The following FMN1 variants were observed in gnomAD, a reference collection of about 807,000 sequenced individuals.
FMN1 encodes formin 1.
Under a neutral mutation model 132.4 loss-of-function variants are expected in FMN1, and 110 were observed. The observed-to-expected ratio is 0.83, with a 90% CI of 0.71 to 0.97. The LOEUF (loss-of-function observed/expected upper bound fraction) is 0.97. FMN1 is among the 50% of genes least tolerant of loss of function. The pLI is 0.00. For missense variants in FMN1, 1,792 were observed against 1,705.3 expected (o/e 1.05, Z -0.90); for synonymous variants, 722 against 651.7 (o/e 1.11, Z -1.64).
chr15:32,900,581 T>C (rs886596034), intron 13 of FMN1, among the ~76,000 whole-genome samples: 1 of 152,220 alleles, frequency 6.6e-6, no homozygotes, highest in Non-Finnish European at 1.5e-5. Flanking sequence ...AGAAGAAGTA[T>C]GTTCTTCTTT....
chr15:33,168,707 A>C lies in FMN1; in HGVS notation c.-132+11491T>G, dbSNP rs576004218. On this transcript the variant is annotated intron_variant, in intron 3 of 20. Transcript: ENST00000616417. ...ATTAGGAGGTTGGCTGTGGCTGTGG[A>C]CAGTTGGTATCTGCTCAAGCATTTA... is the stretch of plus-strand genomic sequence containing the variant. Among the ~76,000 whole-genome samples, 3 of 152,378 alleles carry C rather than the reference A, an allele frequency of 2.0e-5. No homozygotes were observed. The South Asian group carries it at 6.2e-4, about 32-fold the overall frequency.
At chr15:32,821,653 T>C (rs1040878039) in intron 17 of FMN1, among the ~76,000 whole-genome samples, 20 of 152,006 alleles carry the variant, frequency 1.3e-4, no homozygotes, top group African/African-American at 4.6e-4. Flanking sequence ...GGTTTCACCA[T>C]CTTGGCCAGG....
At position 32,913,498 on chromosome 15, in the gene FMN1, T is replaced by C. The variant is rs1490286577; in HGVS notation, c.3227-2963A>G. 2.0e-5 allele frequency among the ~76,000 whole-genome samples: 3 copies of C among 152,120 alleles called. No homozygotes were observed. In the East Asian group the frequency reaches 5.8e-4, roughly 29 times the overall value. On this transcript the variant is annotated intron_variant, in intron 10 of 20. Transcript: ENST00000616417. Reference sequence around the variant, plus strand: ...CTCCTACCATGTTCTCCATGCACCATGGGTTCCAGTCACCCTGTGTCCTTC... The same window carrying C: ...CTCCTACCATGTTCTCCATGCACCACGGGTTCCAGTCACCCTGTGTCCTTC...
intron 6 of FMN1, chr15:33,012,754 G>C: frequency 1.4e-6 from 1 of 729,518 alleles, no homozygotes; most frequent in Non-Finnish European, 2.5e-6. Flanking sequence ...TGGTGGGAAC[G>C]ACATCTTTGG....
At chr15:33,140,291 T>C (rs1439828564) in intron 4 of FMN1, among the ~76,000 whole-genome samples, 1 of 151,578 alleles carries the variant, frequency 6.6e-6, no homozygotes, top group Non-Finnish European at 1.5e-5. Flanking sequence ...CATTCAACCA[T>C]ATGCTGCACT....
intron 6 of FMN1, among the ~76,000 whole-genome samples, chr15:33,037,033 T>C (rs2036223260): frequency 6.6e-6 from 1 of 152,278 alleles, no homozygotes; most frequent in Admixed American, 6.5e-5. Flanking sequence ...TTTTTTCCTA[T>C]ACACCTTTAT....
intron 7 of FMN1, among the ~76,000 whole-genome samples, chr15:32,989,032 T>TA (rs2033265985): frequency 6.6e-6 from 1 of 152,196 alleles, no homozygotes; most frequent in Non-Finnish European, 1.5e-5. Context: ...AAATATCTTT[T>TA]AAAAAACCTT....
chr15:32,878,884 G>A (rs1215298400), intron 16 of FMN1, among the ~76,000 whole-genome samples: 1 of 152,040 alleles, frequency 6.6e-6, no homozygotes, highest in Non-Finnish European at 1.5e-5. Context: ...TAAAATAGAG[G>A]GTAGAAATAG....
chr15:32,857,084 C>G lies in FMN1; in HGVS notation c.3859G>C (p.Val1287Leu), dbSNP rs2059150308. 1 of 1,612,836 alleles carries G rather than the reference C, an allele frequency of 6.2e-7. No homozygotes were observed. Among genetic ancestry groups the G allele is most frequent in the Admixed American group, 1.7e-5 (1 of 60,012 alleles). The stretch of plus-strand genomic sequence containing the variant: ...TACTCCTTTGGGGACTCCTTGCACA[C>G]CACCACCATCTGTTTCTCACTTGCT... ...LEASEKQMVVVCKESPKEYLQ... is the reference protein window; with the variant it reads ...LEASEKQMVVLCKESPKEYLQ... Residue 1287 changes from valine (V) to leucine (L), a missense_variant, in exon 17 of 21, where the codon GTG becomes CTG. Coordinates refer to ENST00000616417, the MANE Select transcript of FMN1 (RefSeq NM_001277313.2).
chr15:32,929,901 T>C (rs1027425542), intron 9 of FMN1, among the ~76,000 whole-genome samples: 2 of 152,062 alleles, frequency 1.3e-5, no homozygotes, highest in African/African-American at 4.8e-5. Flanking sequence ...GGGAATATCT[T>C]TTCAATACAG....
chr15:32,785,186 G>GTATATA (rs2056819313), intron 19 of FMN1, among the ~76,000 whole-genome samples: 2 of 31,842 alleles, frequency 6.3e-5, no homozygotes, highest in African/African-American at 2.3e-4. Context: ...GTGTGTGTGT[G>GTATATA]TGTGTGTGTG....
intron 10 of FMN1, among the ~76,000 whole-genome samples, chr15:32,915,016 T>C (rs896601742): frequency 1.3e-5 from 2 of 152,074 alleles, no homozygotes; most frequent in African/African-American, 4.8e-5. Context: ...AAAAATAAAA[T>C]CTAAAAAGTA....
At chr15:32,919,761 G>A (rs565142063) in intron 10 of FMN1, among the ~76,000 whole-genome samples, 5 of 152,278 alleles carry the variant, frequency 3.3e-5, no homozygotes, top group African/African-American at 1.2e-4. Flanking sequence ...GAAAGTCCTA[G>A]ATAAGTTATG....
intron 9 of FMN1, among the ~76,000 whole-genome samples, chr15:32,959,324 A>G (rs1035371680): frequency 6.6e-6 from 1 of 152,162 alleles, no homozygotes; most frequent in African/African-American, 2.4e-5. Flanking sequence ...AAGAAAACAA[A>G]CATCTGACTC....
chr15:32,893,025 A>G (rs2060069300), intron 15 of FMN1, among the ~76,000 whole-genome samples: 1 of 152,310 alleles, frequency 6.6e-6, no homozygotes, highest in Non-Finnish European at 1.5e-5. Context: ...TGGTTCTGAG[A>G]TGTATGTACC....
intron 6 of FMN1, among the ~76,000 whole-genome samples, chr15:33,037,837 T>C (rs549937377): frequency 4.6e-5 from 7 of 152,382 alleles, no homozygotes; most frequent in Middle Eastern, 6.8e-3. Context: ...AAAAATAACA[T>C]GCATATTTTT....
intron 7 of FMN1, among the ~76,000 whole-genome samples, chr15:33,004,500 A>C (rs2034302779): frequency 6.6e-6 from 1 of 152,248 alleles, no homozygotes; most frequent in South Asian, 2.1e-4. Context: ...ATACTATCTC[A>C]CATCAGTTAG....
At chr15:32,957,397 C>T (rs79170730) in intron 9 of FMN1, among the ~76,000 whole-genome samples, 3 of 144,136 alleles carry the variant, frequency 2.1e-5, no homozygotes, top group African/African-American at 7.8e-5. Flanking sequence ...GCTGACCTAC[C>T]TTGCTCAGGA....
intron 19 of FMN1, among the ~76,000 whole-genome samples, chr15:32,777,815 T>A (rs1449854928): frequency 1.6e-5 from 2 of 122,250 alleles, no homozygotes; most frequent in African/African-American, 6.4e-5. Flanking sequence ...ATAATACATT[T>A]ATTTATATAT....
Sources: gnomAD v4.1 joint callset for allele counts (sites outside exome capture counted in the v4.1 genomes callset) on GRCh38, gnomAD v4.1.1 for gene constraint, MANE v1.5 for transcripts, NCBI Gene and HGNC (gene_info 2026-07-23, HGNC 2026-07-21) for gene names.